Variants in CCDC81 observed in about 807,000 individuals in gnomAD.
CCDC81 encodes coiled-coil domain-containing protein 81.
CCDC81 carries 79 observed loss-of-function variants against 83.7 expected under a neutral mutation model. That is an observed-to-expected ratio of 0.94 (90% CI 0.79 to 1.14). The LOEUF (loss-of-function observed/expected upper bound fraction) is 1.14, where lower values mean the gene tolerates loss of function less well. Among genes scored for constraint, CCDC81 ranks in the 50% most tolerant of loss-of-function variants. The pLI is 0.00. For synonymous variants in CCDC81, 252 were observed against 278.1 expected (o/e 0.91, Z 0.93); for missense variants, 791 against 778.1 (o/e 1.02, Z -0.20).
intron 7 of CCDC81, among the ~76,000 whole-genome samples, chr11:86,401,039 G>A (rs775167286): frequency 4.4e-4 from 67 of 152,214 alleles, no homozygotes; most frequent in Non-Finnish European, 6.3e-4. Context: ...GACACAGGCG[G>A]AAACAAAATA....
At position 86,400,673 on chromosome 11, in the gene CCDC81, T is replaced by C. The variant is rs537768776; in HGVS notation, c.758-5T>C. ...ACTCGTTTTCATTCATTCTTTATTCTACAGATATCTCATCACCCAAAAGAC... is the reference window on the plus strand; with the variant it reads ...ACTCGTTTTCATTCATTCTTTATTCCACAGATATCTCATCACCCAAAAGAC... On this transcript the variant is annotated splice_polypyrimidine_tract_variant and splice_region_variant and intron_variant, in intron 6 of 14. Coordinates refer to ENST00000445632, the MANE Select transcript of CCDC81 (RefSeq NM_001156474.2). 3 of 1,596,836 alleles carry C rather than the reference T, an allele frequency of 1.9e-6. No homozygotes were observed. Among genetic ancestry groups the C allele is most frequent in the African/African-American group, 2.7e-5 (2 of 74,778 alleles).
intron 2 of CCDC81, 144 bp from the exon 3 acceptor site, chr11:86,387,372 C>G (rs1375564717): frequency 3.0e-6 from 2 of 665,336 alleles, no homozygotes; most frequent in African/African-American, 3.6e-5. Flanking sequence ...TTATAAAATG[C>G]TATAGCTCTG....
At chr11:86,407,418 A>C (rs1204587835) in intron 7 of CCDC81, among the ~76,000 whole-genome samples, 196 bp from the exon 8 acceptor site, 8 of 152,220 alleles carry the variant, frequency 5.3e-5, no homozygotes, top group African/African-American at 1.9e-4. Context: ...GCAAGCAAGA[A>C]AGCTGGGATT....
At chr11:86,378,887 A>G (rs1948134972) in intron 1 of CCDC81, among the ~76,000 whole-genome samples, 1 of 152,154 alleles carries the variant, frequency 6.6e-6, no homozygotes, top group Admixed American at 6.6e-5. Flanking sequence ...TAGACAAGAT[A>G]TAGTGGGGTT....
rs758824883 is a variant in CCDC81 at position 86,392,701 on chromosome 11, C to G, written c.459C>G (p.Val153=). Reference sequence around the variant, plus strand: ...AGTTTACATTCAAAGGAATTGGGGTCCTCATGATCAGAGACAGCAAAGTGA... The same window carrying G: ...AGTTTACATTCAAAGGAATTGGGGTGCTCATGATCAGAGACAGCAAAGTGA... ...NVEFTFKGIG[V]LMIRDSKVKM... The change falls in exon 4 of 15, where the codon GTC becomes GTG. Residue 153 remains valine, a synonymous_variant. Transcript: ENST00000445632. 2.6e-6 allele frequency: 4 copies of G among 1,551,500 alleles called. No homozygotes were observed.
Position 86,421,082 on chromosome 11 carries a change from G to A in CCDC81, c.1817+1029G>A, listed in dbSNP as rs565156085. On this transcript the variant is annotated intron_variant, in intron 14 of 14. Transcript: ENST00000445632. ...CTAACAAATCTACTCCTGGTATATC[G>A]TGGAGCAGACTTCTCTGAGGACCTA... Among the ~76,000 whole-genome samples the A allele has an allele frequency of 5.3e-5, 8 of 152,120 alleles. No homozygotes were observed. In the South Asian group the frequency reaches 6.2e-4, roughly 12 times the overall value.
chr11:86,399,296 C>A (rs1296370746), intron 6 of CCDC81, among the ~76,000 whole-genome samples: 1 of 152,102 alleles, frequency 6.6e-6, no homozygotes, highest in Non-Finnish European at 1.5e-5. Flanking sequence ...TATAGAGACC[C>A]CTTTTTTGGG....
At chr11:86,412,067 T>A (rs1012675773) in intron 10 of CCDC81, among the ~76,000 whole-genome samples, 2 of 152,244 alleles carry the variant, frequency 1.3e-5, no homozygotes, top group African/African-American at 4.8e-5. Context: ...GATTTGAGAC[T>A]GATCTCTCAT....
At chr11:86,393,911 T>C (rs894628115) in intron 4 of CCDC81, among the ~76,000 whole-genome samples, 1 of 152,236 alleles carries the variant, frequency 6.6e-6, no homozygotes, top group African/African-American at 2.4e-5. Flanking sequence ...ATTTTTTTAA[T>C]GAAAAGGCTA....
At position 86,392,537 on chromosome 11, in the gene CCDC81, T is replaced by G. The variant is rs1026992281; in HGVS notation, c.299-4T>G. 4 of 1,550,026 alleles carry G rather than the reference T, an allele frequency of 2.6e-6. No homozygotes were observed. Among genetic ancestry groups the G allele is most frequent in the Middle Eastern group, 3.3e-4 (2 of 5,980 alleles). On this transcript the variant is annotated splice_polypyrimidine_tract_variant and splice_region_variant and intron_variant, in intron 3 of 14. Transcript: ENST00000445632. ...TCCCACCCCAACTGTCTTTTCTCCT[T>G]TAGGTGAAATCCCAATTGTTCCACT...
At chr11:86,411,711 T>C (rs1948643686) in intron 10 of CCDC81, among the ~76,000 whole-genome samples, 2 of 152,222 alleles carry the variant, frequency 1.3e-5, no homozygotes, top group Non-Finnish European at 2.9e-5. Flanking sequence ...TCCTTTTTCA[T>C]CTCTGTCTCA....
intron 1 of CCDC81, among the ~76,000 whole-genome samples, chr11:86,378,515 A>G (rs1948129640): frequency 6.6e-6 from 1 of 152,194 alleles, no homozygotes; most frequent in East Asian, 1.9e-4. Context: ...GAGTTCAACT[A>G]TGCCTTTACT....
chr11:86,395,532 T>C (rs565717767), intron 5 of CCDC81, 119 bp downstream of exon 5: 75 of 710,056 alleles, frequency 1.1e-4, no homozygotes, highest in Non-Finnish European at 1.7e-4. Context: ...GTATTCTGTC[T>C]GTCTCTCCCT....
intron 7 of CCDC81, among the ~76,000 whole-genome samples, chr11:86,404,540 C>T (rs1948539293): frequency 6.6e-6 from 1 of 152,228 alleles, no homozygotes; most frequent in East Asian, 1.9e-4. Context: ...AAAATGAAGT[C>T]AGAATCCAAA....
At chr11:86,415,840 A>G (rs1165514435) in intron 13 of CCDC81, among the ~76,000 whole-genome samples, 1 of 152,044 alleles carries the variant, frequency 6.6e-6, no homozygotes, top group African/African-American at 2.4e-5. Context: ...CGCCCAGCTA[A>G]TTTTTAAACT....
rs145739398 is a variant in CCDC81 at position 86,415,120 on chromosome 11, C to T, written c.1498C>T (p.Pro500Ser). Residue 500 changes from proline to serine, a missense_variant, in exon 13 of 15, where the codon CCC (proline) becomes TCC (serine). By Grantham distance (74) the Pro-to-Ser change is moderately conservative. Transcript: ENST00000445632. ...AAAGAACAAACCCTCTCGGCTGCCC[C>T]CCTTTGAGCCAGACTCCTCTGAGCC... ...QIKNKPSRLP[P>S]FEPDSSEPIF... 5.0e-6 allele frequency: 8 copies of T among 1,614,054 alleles called. No homozygotes were observed. The highest frequency in any genetic ancestry group is 5.1e-6 in the Non-Finnish European group (6 of 1,180,048).
intron 14 of CCDC81, among the ~76,000 whole-genome samples, chr11:86,421,910 CAAA>C (rs558739434): frequency 4.2e-5 from 4 of 94,140 alleles, no homozygotes; most frequent in Non-Finnish European, 4.6e-5. Context: ...GACCTAGTCT[CAAA>C]AAAAAAAAAA....
chr11:86,374,926 G>T lies in CCDC81; in HGVS notation c.-238G>T. 2.1e-6 allele frequency: 1 copy of T among 484,252 alleles called. No homozygotes were observed. Among genetic ancestry groups the T allele is most frequent in the Non-Finnish European group, 3.8e-6 (1 of 262,808 alleles). 30.0% of individuals were successfully genotyped at this position (484,252 alleles called of 1,614,324 possible). ...ATCAGTTCCTGCGGCTCTTGCTGTG[G>T]GAGCTGCCCGAGAGCCAGAGCAGTG... On this transcript the variant is annotated 5_prime_UTR_variant, in exon 1 of 15. Coordinates refer to ENST00000445632, the MANE Select transcript of CCDC81 (RefSeq NM_001156474.2).
At position 86,408,166 on chromosome 11, in the gene CCDC81, T is replaced by C; in HGVS notation, c.1009T>C (p.Ser337Pro). ...YVCLQRAQRN[S>P]LLYYSEERRR... is the part of the protein sequence containing the mutation. ...ATGTTTGCAACGAGCACAACGAAATTCCCTGTTGTACTACAGTGAGGAAAG... is the reference window on the plus strand; with the variant it reads ...ATGTTTGCAACGAGCACAACGAAATCCCCTGTTGTACTACAGTGAGGAAAG... The change falls in exon 9 of 15, where the codon TCC (serine) becomes CCC (proline). Residue 337 changes from serine (S) to proline (P), a missense_variant. By Grantham distance (74) the Ser-to-Pro change is moderately conservative. Transcript: ENST00000445632. The C allele has an allele frequency of 6.2e-7, 1 of 1,613,784 alleles. No individual in the cohort carries two copies. Among genetic ancestry groups the C allele is most frequent in the South Asian group, 1.1e-5 (1 of 91,000 alleles).
Sources: allele counts gnomAD v4.1 joint callset (sites outside exome capture counted in the v4.1 genomes callset), GRCh38; gene constraint gnomAD v4.1.1; transcripts MANE v1.5; gene names NCBI Gene and HGNC (gene_info 2026-07-23, HGNC 2026-07-21).